The following HS6ST2 variants were observed in gnomAD, a reference collection of about 807,000 sequenced individuals.
HS6ST2 encodes heparan sulfate 6-O-sulfotransferase 2.
In HS6ST2, 17 loss-of-function variants were observed where a neutral mutation model predicts 33.0. That is an observed-to-expected ratio of 0.52 (90% CI 0.35 to 0.77). HS6ST2 has a LOEUF of 0.77. Ranked by LOEUF, HS6ST2 falls within the 30% of genes least tolerant of loss-of-function variation. The pLI, the probability that HS6ST2 is intolerant of heterozygous loss-of-function variation, is 0.01. For synonymous variants in HS6ST2, 248 were observed against 237.1 expected (o/e 1.05, Z -0.42); for missense variants, 519 against 551.7 (o/e 0.94, Z 0.59).
intron 2 of HS6ST2, among the ~76,000 whole-genome samples, chrX:132,828,317 A>G (rs748240946): frequency 1.4e-4 from 15 of 110,287 alleles, no homozygotes; most frequent in African/African-American, 4.3e-4. Flanking sequence ...TCTTGAAGGG[A>G]AAAAAAAGGT....
chrX:132,877,327 G>A (rs1263514540), intron 2 of HS6ST2, among the ~76,000 whole-genome samples: 1 of 112,468 alleles, frequency 8.9e-6, no homozygotes, highest in Non-Finnish European at 1.9e-5. Flanking sequence ...CTCTAAAAAT[G>A]GAAATGTACT....
intron 2 of HS6ST2, among the ~76,000 whole-genome samples, chrX:132,884,960 C>T (rs1337669909): frequency 9.0e-6 from 1 of 111,640 alleles, no homozygotes; most frequent in Non-Finnish European, 1.9e-5. Flanking sequence ...TAAGTAACAA[C>T]ATTATTATAA....
At chrX:132,925,260 C>T (rs747476900) in intron 2 of HS6ST2, among the ~76,000 whole-genome samples, 1 of 111,807 alleles carries the variant, frequency 8.9e-6, no homozygotes, top group Non-Finnish European at 1.9e-5. Flanking sequence ...TCCTTATGTA[C>T]CTTGGCATCT....
chrX:132,697,730 G>A (rs1475581252), intron 3 of HS6ST2, among the ~76,000 whole-genome samples: 1 of 111,646 alleles, frequency 9.0e-6, no homozygotes, highest in Non-Finnish European at 1.9e-5. Context: ...ATACATATTA[G>A]TATGAACCAT....
At chrX:132,736,247 A>G (rs1374722119) in intron 2 of HS6ST2, among the ~76,000 whole-genome samples, 1 of 111,288 alleles carries the variant, frequency 9.0e-6, no homozygotes, top group Non-Finnish European at 1.9e-5. Flanking sequence ...ATTATACAAG[A>G]GTATCATTGA....
chrX:132,927,750 T>C (rs2066723697), intron 2 of HS6ST2, among the ~76,000 whole-genome samples: 1 of 109,443 alleles, frequency 9.1e-6, no homozygotes, highest in Admixed American at 9.8e-5. Context: ...CCAGCTACTC[T>C]GGAGGCTGAG....
intron 4 of HS6ST2, among the ~76,000 whole-genome samples, chrX:132,653,985 G>A (rs947445594): frequency 9.0e-6 from 1 of 111,309 alleles, no homozygotes; most frequent in Non-Finnish European, 1.9e-5. Context: ...TGGGCAAGGG[G>A]GTGGTGATGG....
At chrX:132,927,664 G>A (rs1407857650) in intron 2 of HS6ST2, among the ~76,000 whole-genome samples, 1 of 110,900 alleles carries the variant, frequency 9.0e-6, no homozygotes, top group African/African-American at 3.3e-5. Context: ...TTGAGTTTGA[G>A]ACCAGCCCGA....
intron 2 of HS6ST2, among the ~76,000 whole-genome samples, chrX:132,953,935 A>G (rs1427021542): frequency 8.9e-6 from 1 of 112,244 alleles, no homozygotes; most frequent in Non-Finnish European, 1.9e-5. Flanking sequence ...CTTGTTCATC[A>G]AGGTGCAGTC....
intron 3 of HS6ST2, among the ~76,000 whole-genome samples, chrX:132,705,654 A>G (rs1169138364): frequency 1.8e-5 from 2 of 112,129 alleles, no homozygotes; most frequent in African/African-American, 6.5e-5. Context: ...TATACTGGCT[A>G]CATTTCACAT....
intron 2 of HS6ST2, among the ~76,000 whole-genome samples, chrX:132,764,881 C>T (rs955094889): frequency 3.6e-5 from 4 of 112,071 alleles, no homozygotes; most frequent in Non-Finnish European, 7.5e-5. Context: ...TTCTCCCAAT[C>T]GTACTGCAGA....
intron 2 of HS6ST2, among the ~76,000 whole-genome samples, chrX:132,896,639 G>C (rs1214092300): frequency 9.0e-6 from 1 of 111,458 alleles, no homozygotes; most frequent in African/African-American, 3.3e-5. Flanking sequence ...CATTTTACAT[G>C]ATGTGATTAT....
chrX:132,894,169 T>C (rs1460953773), intron 2 of HS6ST2, among the ~76,000 whole-genome samples: 1 of 107,335 alleles, frequency 9.3e-6, no homozygotes, highest in Non-Finnish European at 1.9e-5. Flanking sequence ...GAGACGAAGT[T>C]TTGTTCTTGT....
rs758773683 is a variant in HS6ST2 at position 132,833,947 on chromosome X, CTG to C, written c.947+122859_947+122860del. On this transcript the variant is annotated intron_variant, in intron 2 of 4. Coordinates refer to ENST00000370833, the MANE Select transcript of HS6ST2 (RefSeq NM_001394073.1). ...GAAATGTTAATAACTACAGGTAACACTGAGCATTTACATGCTGTTTATATGCA... is the reference window on the plus strand; with the variant it reads ...GAAATGTTAATAACTACAGGTAACACAGCATTTACATGCTGTTTATATGCA... 2.7e-5 allele frequency among the ~76,000 whole-genome samples: 3 copies of C among 110,714 alleles called. No homozygotes were observed. In the South Asian group the frequency reaches 1.2e-3, roughly 43 times the overall value.
At chrX:132,922,343 A>C (rs2066660637) in intron 2 of HS6ST2, among the ~76,000 whole-genome samples, 1 of 112,077 alleles carries the variant, frequency 8.9e-6, no homozygotes, top group African/African-American at 3.2e-5. Flanking sequence ...GGATAGTATC[A>C]CCTTGGCTCA....
At chrX:132,876,766 C>T (rs1408014157) in intron 2 of HS6ST2, among the ~76,000 whole-genome samples, 1 of 111,210 alleles carries the variant, frequency 9.0e-6, no homozygotes, top group Admixed American at 9.6e-5. Context: ...TGATGTTAAC[C>T]CTTGGTTTAC....
chrX:132,865,317 T>G (rs1284173074), intron 2 of HS6ST2, among the ~76,000 whole-genome samples: 1 of 111,183 alleles, frequency 9.0e-6, no homozygotes, highest in Non-Finnish European at 1.9e-5. Flanking sequence ...TCATCATTTT[T>G]TATGGCTGCA....
chrX:132,800,368 C>T (rs914115617), intron 2 of HS6ST2, among the ~76,000 whole-genome samples: 1 of 111,622 alleles, frequency 9.0e-6, no homozygotes, highest in Non-Finnish European at 1.9e-5. Flanking sequence ...AAAACAAGCT[C>T]AGGGCTCCCA....
chrX:132,643,688 GATGACCA>G (rs778488107), intron 4 of HS6ST2, among the ~76,000 whole-genome samples: 4 of 111,364 alleles, frequency 3.6e-5, no homozygotes, highest in Non-Finnish European at 7.5e-5. Flanking sequence ...TCACCCTTAA[GATGACCA>G]ATGAACAGGA....
Sources: gnomAD v4.1 joint callset for allele counts (sites outside exome capture counted in the v4.1 genomes callset) on GRCh38, gnomAD v4.1.1 for gene constraint, MANE v1.5 for transcripts, NCBI Gene and HGNC (gene_info 2026-07-23, HGNC 2026-07-21) for gene names.